Variants in TMEM143 observed in about 807,000 individuals in gnomAD.
TMEM143 encodes the protein transmembrane protein 143.
TMEM143 carries 45 observed loss-of-function variants against 40.3 expected under a neutral mutation model. That is an observed-to-expected ratio of 1.12 (90% confidence interval 0.88 to 1.43). The LOEUF is 1.43. Among genes scored for constraint, TMEM143 ranks in the 40% most tolerant of loss-of-function variants. TMEM143 has a pLI of 0.00. For missense variants in TMEM143, 620 were observed against 613.4 expected (o/e 1.01, Z -0.11); for synonymous variants, 299 against 282.7 (o/e 1.06, Z -0.58).
At chr19:48,362,579 G>A (rs2147392360) in intron 2 of TMEM143, among the ~76,000 whole-genome samples, 1 of 152,230 alleles carries the variant, frequency 6.6e-6, no homozygotes, top group South Asian at 2.1e-4. Flanking sequence ...CCTCAATAAT[G>A]ACAATGATGA....
At chr19:48,359,946 C>T in intron 3 of TMEM143, 126 bp downstream of exon 3, 2 of 872,076 alleles carry the variant, frequency 2.3e-6, no homozygotes, top group Non-Finnish European at 3.5e-6. Flanking sequence ...CTTCACCTGT[C>T]ATGTTCACTA....
chr19:48,352,262 A>AAAAACAAAACAAAAAAAAAAAAAAAC (rs74518287), intron 3 of TMEM143, among the ~76,000 whole-genome samples: 1 of 145,060 alleles, frequency 6.9e-6, no homozygotes, highest in Non-Finnish European at 1.5e-5. Context: ...AAAAAAAAAA[A>AAAAACAAAACAAAAAAAAAAAAAAAC]CACCATATCT....
At position 48,342,544 on chromosome 19, in the gene TMEM143, G is replaced by A; in HGVS notation, c.961C>T (p.Leu321=). ...LLLLFAIFMG[L]RASKMFGQRR... is the part of the protein sequence containing the mutation. ...CGCATGCTCACCTTGGAGGCCCGCAGGCCCATGAAGATGGCGAAGAGCAGC... is the reference window on the plus strand; with the variant it reads ...CGCATGCTCACCTTGGAGGCCCGCAAGCCCATGAAGATGGCGAAGAGCAGC... The change falls in exon 6 of 8, where the codon CTG becomes TTG. Residue 321 remains leucine (L), a synonymous_variant. Coordinates refer to ENST00000293261, the MANE Select transcript of TMEM143 (RefSeq NM_018273.4). The A allele has an allele frequency of 1.9e-6, 3 of 1,609,244 alleles. No individual in the cohort carries two copies. Among genetic ancestry groups the A allele is most frequent in the Non-Finnish European group, 2.5e-6 (3 of 1,178,716 alleles).
At chr19:48,363,864 C>T (rs1278499763) in intron 1 of TMEM143, 34 bp downstream of exon 1, 4 of 1,613,914 alleles carry the variant, frequency 2.5e-6, no homozygotes, top group Non-Finnish European at 3.4e-6. Context: ...GGGCCGCCCT[C>T]CCTGGCCATG....
At chr19:48,343,155 C>G in intron 5 of TMEM143, 166 bp downstream of exon 5, 1 of 888,468 alleles carries the variant, frequency 1.1e-6, no homozygotes. Flanking sequence ...GTGTAGTACT[C>G]ACTTTCCCTT....
Position 48,363,935 on chromosome 19 carries a change from A to G in TMEM143, c.-15T>C. On this transcript the variant is annotated 5_prime_UTR_variant, in exon 1 of 8. The change abolishes an upstream ATG in the 5' untranslated region. Transcript: ENST00000293261. ...TCGACTGTCATTGAGCCTCCTGCGC[A>G]TGTGCAGGAGGGCGTCCTGGGCTCC... The G allele has an allele frequency of 6.2e-7, 1 of 1,612,532 alleles. No individual in the cohort carries two copies. Among genetic ancestry groups the G allele is most frequent in the South Asian group, 1.1e-5 (1 of 90,948 alleles).
At chr19:48,342,455 CAG>C in intron 6 of TMEM143, 73 bp downstream of exon 6, 4 of 1,488,992 alleles carry the variant, frequency 2.7e-6, no homozygotes, top group Non-Finnish European at 3.6e-6. Flanking sequence ...ATGCATGAAA[CAG>C]AGACAACTAC....
rs1350062924 is a variant in TMEM143 at position 48,352,249 on chromosome 19, A to AAAAAAAAAAC, written c.370-6896_370-6895insGTTTTTTTTT. On this transcript the variant is annotated intron_variant, in intron 3 of 7. Coordinates refer to ENST00000293261, the MANE Select transcript of TMEM143 (RefSeq NM_018273.4). The stretch of plus-strand genomic sequence containing the variant: ...GTGACAGAGTGAGACTCTGTCTCAA[A>AAAAAAAAAAC]AAAAAAAAAAAAACACCATATCTGC... Among the ~76,000 whole-genome samples, 62 of 147,706 alleles carry AAAAAAAAAAC rather than the reference A, an allele frequency of 4.2e-4. 9 individuals carry two copies. The highest frequency in any genetic ancestry group is 1.5e-3 in the African/African-American group (59 of 40,120).
intron 6 of TMEM143, among the ~76,000 whole-genome samples, chr19:48,338,302 T>C (rs1969416859): frequency 6.6e-6 from 1 of 152,106 alleles, no homozygotes; most frequent in Admixed American, 6.6e-5. Context: ...AGTCTCCCCG[T>C]CCAGTTTGTC....
intron 1 of TMEM143, 150 bp from the exon 2 acceptor site, chr19:48,363,681 T>G (rs974003777): frequency 7.2e-7 from 1 of 1,383,834 alleles, no homozygotes; most frequent in Non-Finnish European, 9.7e-7. Context: ...GCCTGTCCCC[T>G]TCCCACACTG....
intron 2 of TMEM143, among the ~76,000 whole-genome samples, chr19:48,362,063 CGTGTATTTGTGTGTGT>C (rs1970054361): frequency 6.7e-6 from 1 of 149,046 alleles, no homozygotes; most frequent in African/African-American, 2.6e-5. Flanking sequence ...TTTGTGTGTG[CGTGTATTTGTGTGTGT>C]GCATTTGTAT....
At chr19:48,347,436 G>A (rs541943701) in intron 3 of TMEM143, among the ~76,000 whole-genome samples, 19 of 152,238 alleles carry the variant, frequency 1.2e-4, no homozygotes, top group South Asian at 6.2e-4. Flanking sequence ...TTCAAAGGCC[G>A]GCACAGTGGC....
At position 48,343,379 on chromosome 19, in the gene TMEM143, G is replaced by A. The variant is rs557606157; in HGVS notation, c.637C>T (p.Leu213=). The A allele has an allele frequency of 4.4e-6, 7 of 1,607,956 alleles. No individual in the cohort carries two copies. Among genetic ancestry groups the A allele is most frequent in the Admixed American group, 3.4e-5 (2 of 59,310 alleles). ...ALGQRVGQMP[L]KSSVGSRRGF... is the part of the protein sequence containing the mutation. Reference sequence around the variant, plus strand: ...CGCCTGGAGCCCACGCTGGACTTCAGGGGCATCTGCCCGACTCGCTGGCCC... The same window carrying A: ...CGCCTGGAGCCCACGCTGGACTTCAAGGGCATCTGCCCGACTCGCTGGCCC... The change falls in exon 5 of 8, where the codon CTG becomes TTG. Residue 213 remains leucine (L), a synonymous_variant. Coordinates refer to ENST00000293261, the MANE Select transcript of TMEM143 (RefSeq NM_018273.4).
chr19:48,357,267 C>G (rs1364949489), intron 3 of TMEM143, among the ~76,000 whole-genome samples: 2 of 151,198 alleles, frequency 1.3e-5, no homozygotes, highest in African/African-American at 4.9e-5. Flanking sequence ...GTACTACCAT[C>G]TATTAATAGA....
chr19:48,360,889 C>T (rs939321799), intron 2 of TMEM143, among the ~76,000 whole-genome samples: 17 of 152,068 alleles, frequency 1.1e-4, no homozygotes, highest in African/African-American at 3.9e-4. Flanking sequence ...TGGGATGAAG[C>T]GATCCTCCCA....
rs185838385 is a variant in TMEM143 at position 48,356,208 on chromosome 19, C to T, written c.369+3864G>A. On this transcript the variant is annotated intron_variant, in intron 3 of 7. Transcript: ENST00000293261. Reference sequence around the variant, plus strand: ...TCTCAGCTCACTGCAACCTCCGCCTCCTGGGTTCAAGTGATTCTCCTTCCT... The same window carrying T: ...TCTCAGCTCACTGCAACCTCCGCCTTCTGGGTTCAAGTGATTCTCCTTCCT... Among the ~76,000 whole-genome samples the T allele has an allele frequency of 5.8e-3, 875 of 151,752 alleles. 6 individuals are homozygous for T. The highest frequency in any genetic ancestry group is 1.0e-2 in the Non-Finnish European group (676 of 67,932).
intron 3 of TMEM143, among the ~76,000 whole-genome samples, chr19:48,349,394 A>G (rs997228033): frequency 3.3e-5 from 5 of 152,162 alleles, no homozygotes; most frequent in African/African-American, 9.6e-5. Context: ...TGTAATCCCA[A>G]CACCTTGGGA....
At chr19:48,354,516 C>T (rs1416523053) in intron 3 of TMEM143, among the ~76,000 whole-genome samples, 1 of 152,094 alleles carries the variant, frequency 6.6e-6, no homozygotes, top group African/African-American at 2.4e-5. Flanking sequence ...CCGCCCACCT[C>T]GGCCTCTCAA....
At chr19:48,334,462 CTTTCTTTCTTTCTTTCTTTT>C (rs1286476628) in intron 6 of TMEM143, among the ~76,000 whole-genome samples, 1 of 47,156 alleles carries the variant, frequency 2.1e-5, no homozygotes, top group East Asian at 5.1e-4. Context: ...TTCTTTCTTT[CTTTCTTTCTTTCTTTCTTTT>C]TCTTTCTTTC....
Sources: gnomAD v4.1 joint callset for allele counts (sites outside exome capture counted in the v4.1 genomes callset) on GRCh38, gnomAD v4.1.1 for gene constraint, MANE v1.5 for transcripts, NCBI Gene and HGNC (gene_info 2026-07-23, HGNC 2026-07-21) for gene names.